LSAMP: variants seen among roughly 807,000 people sequenced by gnomAD.
LSAMP encodes limbic system-associated membrane protein.
In LSAMP, 7 loss-of-function variants were observed where a neutral mutation model predicts 38.6. The observed-to-expected ratio is 0.18, with a 90% CI of 0.10 to 0.34. The LOEUF is 0.34. LSAMP is among the 10% of genes least tolerant of loss of function. LSAMP has a pLI of 1.00. For synonymous variants in LSAMP, 154 were observed against 166.8 expected (o/e 0.92, Z 0.59); for missense variants, 313 against 420.0 (o/e 0.75, Z 2.23).
intron 1 of LSAMP, among the ~76,000 whole-genome samples, chr3:116,197,068 T>TCAG (rs1710900453): frequency 6.6e-6 from 1 of 151,780 alleles, no homozygotes. Flanking sequence ...GTACTTTGTA[T>TCAG]CAGCAGTCTC....
chr3:116,389,799 T>C (rs1347578621), intron 1 of LSAMP, among the ~76,000 whole-genome samples: 2 of 152,186 alleles, frequency 1.3e-5, no homozygotes, highest in Admixed American at 1.3e-4. Context: ...TTGACATCAA[T>C]ATAACTATCA....
chr3:115,884,324 A>G (rs1936396561), intron 3 of LSAMP, among the ~76,000 whole-genome samples: 1 of 152,050 alleles, frequency 6.6e-6, no homozygotes, highest in Non-Finnish European at 1.5e-5. Flanking sequence ...GGTAAGCAAT[A>G]TTATCTCGAG....
intron 1 of LSAMP, among the ~76,000 whole-genome samples, chr3:116,261,842 ATGT>A (rs1253170032): frequency 1.3e-5 from 2 of 149,528 alleles, no homozygotes; most frequent in African/African-American, 4.9e-5. Flanking sequence ...ATGCACATAT[ATGT>A]TATTATAATA....
At chr3:115,994,553 G>A (rs1939763015) in intron 3 of LSAMP, among the ~76,000 whole-genome samples, 1 of 151,934 alleles carries the variant, frequency 6.6e-6, no homozygotes, top group South Asian at 2.1e-4. Context: ...TTGAATAATC[G>A]CTAGGCTAGC....
At chr3:116,414,393 C>A (rs1419597742) in intron 1 of LSAMP, among the ~76,000 whole-genome samples, 1 of 152,118 alleles carries the variant, frequency 6.6e-6, no homozygotes, top group East Asian at 1.9e-4. Flanking sequence ...ATATCACAGT[C>A]CTACCCTGCC....
At chr3:116,079,499 G>A (rs542248473) in intron 2 of LSAMP, among the ~76,000 whole-genome samples, 5 of 152,026 alleles carry the variant, frequency 3.3e-5, no homozygotes, top group East Asian at 1.9e-4. Flanking sequence ...CTAAAAATAC[G>A]AAAATTAGCT....
At chr3:116,023,612 A>G (rs1285279866) in intron 2 of LSAMP, among the ~76,000 whole-genome samples, 2 of 151,864 alleles carry the variant, frequency 1.3e-5, no homozygotes, top group Non-Finnish European at 2.9e-5. Context: ...CTCAAAAAAA[A>G]AAAAAAAAAA....
At chr3:116,087,842 G>A (rs1559737657) in intron 1 of LSAMP, among the ~76,000 whole-genome samples, 1 of 151,510 alleles carries the variant, frequency 6.6e-6, no homozygotes, top group Non-Finnish European at 1.5e-5. Context: ...ATAATACAAA[G>A]ACCTCCTTAT....
chr3:116,376,353 T>C (rs950737829), intron 1 of LSAMP, among the ~76,000 whole-genome samples: 10 of 152,064 alleles, frequency 6.6e-5, no homozygotes, highest in African/African-American at 2.4e-4. Flanking sequence ...GGATTCCTTC[T>C]TATTACAATA....
At chr3:116,350,632 T>C (rs2107764788) in intron 1 of LSAMP, among the ~76,000 whole-genome samples, 1 of 152,032 alleles carries the variant, frequency 6.6e-6, no homozygotes, top group Admixed American at 6.6e-5. Context: ...AACCTTTTTT[T>C]TTTTTTACTT....
intron 1 of LSAMP, among the ~76,000 whole-genome samples, chr3:116,419,137 C>T (rs551596199): frequency 5.3e-5 from 8 of 152,342 alleles, no homozygotes; most frequent in South Asian, 2.1e-4. Flanking sequence ...AATCACCCTA[C>T]GCTTCCTGCC....
chr3:116,401,891 T>C (rs1920190), intron 1 of LSAMP, among the ~76,000 whole-genome samples: 76,527 of 152,024 alleles, frequency 0.5, 22,792 homozygotes, highest in East Asian at 0.81. Context: ...GGCTAGGTCT[T>C]ATGATTTTTG....
At position 116,091,409 on chromosome 3, in the gene LSAMP, G is replaced by A. The variant is rs2864068; in HGVS notation, c.156-4853C>T. 3.4e-3 allele frequency among the ~76,000 whole-genome samples: 523 copies of A among 152,156 alleles called. 5 individuals carry two copies. Among genetic ancestry groups the A allele is most frequent in the African/African-American group, 0.012 (488 of 41,434 alleles). ...GACATACATCCTTCTCGGCTGACAG[G>A]ACTAAGAGACTAAAGTAAAGACAGG... On this transcript the variant is annotated intron_variant, in intron 1 of 6. Transcript: ENST00000490035.
intron 1 of LSAMP, among the ~76,000 whole-genome samples, chr3:116,092,264 AT>A (rs1708141471): frequency 6.6e-6 from 1 of 152,222 alleles, no homozygotes; most frequent in African/African-American, 2.4e-5. Context: ...GTTATTAGGT[AT>A]AAAGGGAAAT....
intron 1 of LSAMP, among the ~76,000 whole-genome samples, chr3:116,131,964 A>G (rs1709144619): frequency 6.6e-6 from 1 of 151,826 alleles, no homozygotes. Context: ...AGTAGCTGGA[A>G]TTATAGGTGC....
At chr3:116,056,746 C>T (rs1941496695) in intron 2 of LSAMP, among the ~76,000 whole-genome samples, 1 of 152,156 alleles carries the variant, frequency 6.6e-6, no homozygotes, top group African/African-American at 2.4e-5. Flanking sequence ...CTAGTGCTCA[C>T]AATAAACCTT....
intron 1 of LSAMP, among the ~76,000 whole-genome samples, chr3:116,198,650 AGTCCCT>A (rs1043407664): frequency 6.6e-6 from 1 of 151,964 alleles, no homozygotes; most frequent in African/African-American, 2.4e-5. Context: ...GGGCAGCTGT[AGTCCCT>A]GCTACTCTGG....
chr3:116,341,161 A>G (rs955367977), intron 1 of LSAMP, among the ~76,000 whole-genome samples: 1 of 152,002 alleles, frequency 6.6e-6, no homozygotes, highest in African/African-American at 2.4e-5. Flanking sequence ...GAAAATATAG[A>G]AATATCAGCA....
chr3:116,045,309 C>T (rs551815389), intron 2 of LSAMP, among the ~76,000 whole-genome samples: 1 of 151,986 alleles, frequency 6.6e-6, no homozygotes, highest in Admixed American at 6.5e-5. Flanking sequence ...AGCATTGGTC[C>T]TATTTTGGGG....
Sources: allele counts gnomAD v4.1 joint callset (sites outside exome capture counted in the v4.1 genomes callset), GRCh38; gene constraint gnomAD v4.1.1; transcripts MANE v1.5; gene names NCBI Gene and HGNC (gene_info 2026-07-23, HGNC 2026-07-21).